The following RNF128 variants were observed in gnomAD, a reference collection of about 807,000 sequenced individuals.
RNF128 encodes the protein ring finger protein 128, also known as E3 ubiquitin-protein ligase RNF128.
In RNF128, 13 loss-of-function variants were observed where a neutral mutation model predicts 26.2. The ratio of observed to expected loss-of-function variants is 0.50; its 90% CI spans 0.32 to 0.79. The LOEUF is 0.79. RNF128 is among the 30% of genes least tolerant of loss of function. The probability of loss-of-function intolerance (pLI) is 0.03; values close to 1 mark genes in which losing one functional copy is unlikely to be tolerated. For synonymous variants in RNF128, 149 were observed against 142.5 expected (o/e 1.05, Z -0.32); for missense variants, 315 against 349.7 (o/e 0.90, Z 0.79).
rs762550694 is a variant in RNF128 at position 106,712,385 on chromosome X, T to C, written c.406+17977T>C. 1.0e-3 allele frequency among the ~76,000 whole-genome samples: 112 copies of C among 112,289 alleles called. 6 individuals are homozygous for C. The highest frequency in any genetic ancestry group is 6.6e-4 in the Non-Finnish European group (35 of 53,297). On this transcript the variant is annotated intron_variant, in intron 1 of 6. Coordinates refer to the RNF128 transcript ENST00000324342. ...TCAATTCAAAAAAGAAAAAAGTTAA[T>C]TTTAAGATCTCAAGAAGAAAGCCAG...
At chrX:106,767,544 T>A (rs1310256836) in intron 1 of RNF128, among the ~76,000 whole-genome samples, 2 of 111,901 alleles carry the variant, frequency 1.8e-5, no homozygotes, top group African/African-American at 6.5e-5. Flanking sequence ...AGAATGCTTG[T>A]GATTTTTGCA....
chrX:106,732,970 C>G (rs1197548053), intron 1 of RNF128, among the ~76,000 whole-genome samples: 1 of 111,124 alleles, frequency 9.0e-6, no homozygotes, highest in Non-Finnish European at 1.9e-5. Context: ...ATGTCCACAT[C>G]TATGGATTCA....
intron 1 of RNF128, among the ~76,000 whole-genome samples, chrX:106,768,663 C>T (rs778763356): frequency 9.0e-6 from 1 of 111,503 alleles, no homozygotes; most frequent in South Asian, 3.8e-4. Context: ...TTTCAAAAAA[C>T]CAGCTCCTGG....
intron 1 of RNF128, among the ~76,000 whole-genome samples, chrX:106,754,216 T>A (rs1194483687): frequency 9.1e-6 from 1 of 109,300 alleles, no homozygotes; most frequent in South Asian, 3.9e-4. Context: ...AACAAATAAT[T>A]TTTTTCTTTT....
intron 1 of RNF128, among the ~76,000 whole-genome samples, chrX:106,753,433 G>A (rs1175157834): frequency 9.0e-6 from 1 of 110,844 alleles, no homozygotes; most frequent in African/African-American, 3.3e-5. Flanking sequence ...AACATTCATG[G>A]TAGCCTCAAA....
intron 1 of RNF128, among the ~76,000 whole-genome samples, chrX:106,727,847 G>C (rs1929433930): frequency 9.0e-6 from 1 of 110,608 alleles, no homozygotes; most frequent in Non-Finnish European, 1.9e-5. Context: ...TGTTTCCTGG[G>C]TATCAAATAC....
intron 1 of RNF128, among the ~76,000 whole-genome samples, chrX:106,771,415 G>C (rs994422553): frequency 1.8e-5 from 2 of 112,405 alleles, no homozygotes; most frequent in African/African-American, 6.5e-5. Context: ...GTTTGAGCTT[G>C]CCCGCCACTT....
At chrX:106,728,562 A>G (rs763968965) in intron 1 of RNF128, among the ~76,000 whole-genome samples, 34 of 112,335 alleles carry the variant, frequency 3.0e-4, no homozygotes, top group African/African-American at 1.0e-3. Flanking sequence ...ACTGGAAGGA[A>G]GAAGCTGCTT....
chrX:106,752,347 G>A (rs371990974), intron 1 of RNF128, among the ~76,000 whole-genome samples: 45 of 112,516 alleles, frequency 4.0e-4, no homozygotes, highest in African/African-American at 1.5e-3. Context: ...ACAGCATGGT[G>A]AGAGAGATTC....
At chrX:106,759,715 C>A (rs979504635) in intron 1 of RNF128, among the ~76,000 whole-genome samples, 4 of 111,640 alleles carry the variant, frequency 3.6e-5, no homozygotes, top group African/African-American at 1.3e-4. Flanking sequence ...GTTTTCCACT[C>A]ATTTATGAGA....
At position 106,703,059 on chromosome X, in the gene RNF128, C is replaced by T. The variant is rs1441486082; in HGVS notation, c.406+8651C>T. Among the ~76,000 whole-genome samples, 5 of 111,766 alleles carry T rather than the reference C, an allele frequency of 4.5e-5. No individual in the cohort carries two copies. In the East Asian group the frequency reaches 1.4e-3, roughly 31 times the overall value. Reference sequence around the variant, plus strand: ...ATTCTCAGCATGACCTAGCTAATGACCTCAATATGCAATGATAGTAACACA... The same window carrying T: ...ATTCTCAGCATGACCTAGCTAATGATCTCAATATGCAATGATAGTAACACA... On this transcript the variant is annotated intron_variant, in intron 1 of 6. Coordinates refer to the RNF128 transcript ENST00000324342.
intron 1 of RNF128, among the ~76,000 whole-genome samples, chrX:106,713,215 C>A (rs1251656939): frequency 9.5e-6 from 1 of 105,090 alleles, no homozygotes; most frequent in Non-Finnish European, 2.0e-5. Flanking sequence ...AAAAAAAATA[C>A]AAGCAAATCT....
At chrX:106,740,271 G>A (rs984924664) in intron 1 of RNF128, among the ~76,000 whole-genome samples, 1 of 110,122 alleles carries the variant, frequency 9.1e-6, no homozygotes, top group Non-Finnish European at 1.9e-5. Context: ...TTTTAGTCTG[G>A]CACTTAAATG....
At chrX:106,782,995 G>A (rs1232544272) in intron 2 of RNF128, among the ~76,000 whole-genome samples, 1 of 112,056 alleles carries the variant, frequency 8.9e-6, no homozygotes, top group Non-Finnish European at 1.9e-5. Flanking sequence ...CTGAAATTAA[G>A]TCCCATCATA....
At chrX:106,737,115 A>G (rs186818736) in intron 1 of RNF128, among the ~76,000 whole-genome samples, 106 of 111,855 alleles carry the variant, frequency 9.5e-4, no homozygotes, top group Admixed American at 5.9e-3. Flanking sequence ...ATCTTTGAGG[A>G]TCTCAGATGT....
At chrX:106,760,865 T>A (rs752269360) in intron 1 of RNF128, among the ~76,000 whole-genome samples, 1 of 111,401 alleles carries the variant, frequency 9.0e-6, no homozygotes, top group Non-Finnish European at 1.9e-5. Context: ...CTGGAGGAAA[T>A]TAAGTGCCAA....
intron 1 of RNF128, among the ~76,000 whole-genome samples, chrX:106,754,214 AT>A (rs960404989): frequency 3.6e-5 from 4 of 110,022 alleles, no homozygotes; most frequent in African/African-American, 9.9e-5. Flanking sequence ...AAAACAAATA[AT>A]TTTTTTCTTT....
intron 2 of RNF128, among the ~76,000 whole-genome samples, chrX:106,778,724 A>T (rs771156994): frequency 1.8e-5 from 2 of 111,670 alleles, no homozygotes; most frequent in Non-Finnish European, 3.8e-5. Context: ...CTGGGCAGAG[A>T]TATGCCACAC....
At chrX:106,788,966 A>T (rs1288251694) in intron 4 of RNF128, among the ~76,000 whole-genome samples, 1 of 76,836 alleles carries the variant, frequency 1.3e-5, no homozygotes. Context: ...ATGTACATGT[A>T]CATATATATA....
Sources: allele counts gnomAD v4.1 joint callset (sites outside exome capture counted in the v4.1 genomes callset), GRCh38; gene constraint gnomAD v4.1.1; transcripts MANE v1.5; gene names NCBI Gene and HGNC (gene_info 2026-07-23, HGNC 2026-07-21).